Variants in DGKG observed in about 807,000 individuals in gnomAD.
The protein encoded by DGKG is DAG kinase gamma.
Under a neutral mutation model 105.3 loss-of-function variants are expected in DGKG, and 78 were observed. The ratio of observed to expected loss-of-function variants is 0.74; its 90% confidence interval spans 0.62 to 0.89. The LOEUF (loss-of-function observed/expected upper bound fraction) is 0.89, where lower values mean the gene tolerates loss of function less well. DGKG is among the 40% of genes least tolerant of loss of function. The probability of loss-of-function intolerance (pLI) is 0.00; values close to 1 mark genes in which losing one functional copy is unlikely to be tolerated. For synonymous variants in DGKG, 346 were observed against 367.1 expected, an observed-to-expected ratio of 0.94 and a Z score of 0.66; for missense variants, 958 against 1,020.1, an observed-to-expected ratio of 0.94 and a Z score of 0.83.
chr3:186,271,116 C>T (rs774183425), intron 11 of DGKG, among the ~76,000 whole-genome samples: 3 of 152,184 alleles, frequency 2.0e-5, no homozygotes, highest in Non-Finnish European at 4.4e-5. Context: ...GTACCACTCT[C>T]ATGGCTAACT....
At position 186,284,120 on chromosome 3, in the gene DGKG, G is replaced by A. The variant is rs1044108455; in HGVS notation, c.594+540C>T. 1.3e-5 allele frequency among the ~76,000 whole-genome samples: 2 copies of A among 152,172 alleles called. No homozygotes were observed. Among genetic ancestry groups the A allele is most frequent in the Non-Finnish European group, 2.9e-5 (2 of 68,038 alleles). On this transcript the variant is annotated intron_variant, in intron 7 of 24. Transcript: ENST00000265022. This position sits in a 1 kb window ranked among gnomAD's most constrained non-coding sequence, Gnocchi z 4.0. Reference sequence around the variant, plus strand: ...AATGGGATGGGAACATGTACTTAGAGCAGACAGAACCAGACTCCTAGGCTA... The same window carrying A: ...AATGGGATGGGAACATGTACTTAGAACAGACAGAACCAGACTCCTAGGCTA...
intron 20 of DGKG, among the ~76,000 whole-genome samples, chr3:186,233,257 G>A (rs1043682322): frequency 6.6e-6 from 1 of 152,162 alleles, no homozygotes; most frequent in Admixed American, 6.5e-5. Flanking sequence ...AATGTCAGGG[G>A]GACGCCATAT....
intron 9 of DGKG, among the ~76,000 whole-genome samples, chr3:186,278,676 T>G (rs1425942415): frequency 6.6e-6 from 1 of 152,194 alleles, no homozygotes; most frequent in Non-Finnish European, 1.5e-5. Context: ...GATTGCAAGA[T>G]TCATAGTTCT....
At chr3:186,150,393 C>T (rs938109773) in intron 24 of DGKG, among the ~76,000 whole-genome samples, 1 of 152,110 alleles carries the variant, frequency 6.6e-6, no homozygotes, top group African/African-American at 2.4e-5. Context: ...GGGGCGGAAG[C>T]ACTGGGGAGA....
intron 17 of DGKG, among the ~76,000 whole-genome samples, chr3:186,253,602 A>C (rs1295901171): frequency 6.6e-6 from 1 of 152,210 alleles, no homozygotes; most frequent in Admixed American, 6.5e-5. Flanking sequence ...AGAAACTGAG[A>C]TTGACAGAGG....
intron 11 of DGKG, among the ~76,000 whole-genome samples, chr3:186,271,474 A>C (rs1722313973): frequency 6.6e-6 from 1 of 152,058 alleles, no homozygotes; most frequent in African/African-American, 2.4e-5. Context: ...ATCCCACCCC[A>C]GTCGGGCCCT....
chr3:186,322,408 G>T (rs1725122119), intron 1 of DGKG, among the ~76,000 whole-genome samples: 1 of 152,108 alleles, frequency 6.6e-6, no homozygotes, highest in Admixed American at 6.5e-5. Context: ...GGGAACAATA[G>T]GTACTGGGGC....
chr3:186,186,053 T>G (rs2018092), intron 22 of DGKG, among the ~76,000 whole-genome samples: 1 of 144,038 alleles, frequency 6.9e-6, no homozygotes, highest in African/African-American at 2.7e-5. Flanking sequence ...AGCCAACATG[T>G]GCCACTGCAC....
At chr3:186,266,708 CT>C (rs1722071293) in intron 13 of DGKG, among the ~76,000 whole-genome samples, 1 of 152,160 alleles carries the variant, frequency 6.6e-6, no homozygotes, top group African/African-American at 2.4e-5. Flanking sequence ...AGCAATTCTC[CT>C]GCCTCAGCCT....
intron 20 of DGKG, among the ~76,000 whole-genome samples, chr3:186,214,107 C>T (rs527240871): frequency 5.3e-5 from 8 of 152,252 alleles, no homozygotes; most frequent in East Asian, 1.9e-4. Flanking sequence ...TAAAAGTTTC[C>T]GGAAGCCACA....
rs1212769703 is a variant in DGKG, at chr3:186,288,889, A to G, written c.374-9T>C. 6.5e-7 allele frequency: 1 copy of G among 1,538,704 alleles called. No individual in the cohort carries two copies. Among genetic ancestry groups the G allele is most frequent in the South Asian group, 1.3e-5 (1 of 79,436 alleles). On this transcript the variant is annotated splice_polypyrimidine_tract_variant and intron_variant, in intron 5 of 24. Transcript: ENST00000265022. ...CTCAGCCATATTTGATTCTGCGATG[A>G]ACAAAAGGAAAACATCCAAGGACAT...
intron 1 of DGKG, among the ~76,000 whole-genome samples, chr3:186,331,139 A>C (rs1725583640): frequency 6.6e-6 from 1 of 152,260 alleles, no homozygotes; most frequent in Non-Finnish European, 1.5e-5. Context: ...CTAATATGAT[A>C]ATTATGAAGT....
chr3:186,350,009 C>T lies in DGKG; in HGVS notation c.-249+11937G>A, dbSNP rs995657714. Among the ~76,000 whole-genome samples the T allele has an allele frequency of 7.9e-5, 12 of 152,098 alleles. No homozygotes were observed. The East Asian group carries it at 1.2e-3, about 15-fold the overall frequency. ...AAGCGATTCTCATGCCTCAGCCTCCCGAGTAGCTGGGATACCGATGTGTGC... is the reference window on the plus strand; with the variant it reads ...AAGCGATTCTCATGCCTCAGCCTCCTGAGTAGCTGGGATACCGATGTGTGC... On this transcript the variant is annotated intron_variant, in intron 1 of 24. Transcript: ENST00000265022.
intron 16 of DGKG, among the ~76,000 whole-genome samples, chr3:186,259,266 G>A (rs896282042): frequency 3.3e-5 from 5 of 152,134 alleles, no homozygotes; most frequent in African/African-American, 1.2e-4. Context: ...TAGAATACAC[G>A]AGGTGAAGCT....
chr3:186,217,382 T>C (rs1215494147), intron 20 of DGKG, among the ~76,000 whole-genome samples: 1 of 152,192 alleles, frequency 6.6e-6, no homozygotes, highest in Non-Finnish European at 1.5e-5. Flanking sequence ...TGTCAGGCTC[T>C]GAACTATCCA....
At chr3:186,161,473 A>G (rs1267674422) in intron 24 of DGKG, 130 bp downstream of exon 24, 1 of 1,487,894 alleles carries the variant, frequency 6.7e-7, no homozygotes, top group Admixed American at 2.5e-5. Context: ...AAAGTGGAAG[A>G]GGGGTTGCAC....
intron 10 of DGKG, among the ~76,000 whole-genome samples, chr3:186,273,150 C>T (rs1426718349): frequency 6.6e-6 from 1 of 152,124 alleles, no homozygotes; most frequent in African/African-American, 2.4e-5. Flanking sequence ...TTCTCTTTCT[C>T]TTTGCAGGGA....
At chr3:186,244,786 C>T (rs754294254) in intron 19 of DGKG, among the ~76,000 whole-genome samples, 9 of 152,152 alleles carry the variant, frequency 5.9e-5, no homozygotes, top group East Asian at 3.9e-4. Context: ...GTGAGATGTG[C>T]GGACCCCAGA....
At chr3:186,310,289 A>AAAAAAAAAG (rs1724473778) in intron 2 of DGKG, among the ~76,000 whole-genome samples, 1 of 136,368 alleles carries the variant, frequency 7.3e-6, no homozygotes, top group African/African-American at 2.7e-5. Context: ...AAAAAAAAAA[A>AAAAAAAAAG]CCACACACAC....
Sources: gnomAD v4.1 joint callset for allele counts (sites outside exome capture counted in the v4.1 genomes callset) on GRCh38, gnomAD v4.1.1 for gene constraint, Gnocchi (gnomAD v3.1) non-coding constraint, MANE v1.5 for transcripts, NCBI Gene and HGNC (gene_info 2026-07-23, HGNC 2026-07-21) for gene names.